PRR12: variants seen among roughly 807,000 people sequenced by gnomAD.
PRR12 encodes the protein proline rich 12.
A neutral mutation model predicts 138.0 loss-of-function variants in PRR12; 12 were observed. The ratio of observed to expected loss-of-function variants is 0.09; its 90% CI spans 0.06 to 0.14. PRR12 has a LOEUF of 0.14. PRR12 is among the 10% of genes least tolerant of loss of function. PRR12 has a pLI of 1.00. For missense variants in PRR12, 2,692 were observed against 2,861.3 expected, an observed-to-expected ratio of 0.94 and a Z score of 1.35; for synonymous variants, 1,567 against 1,291.7, an observed-to-expected ratio of 1.21 and a Z score of -4.57.
chr19:49,614,879 T>C lies in PRR12; in HGVS notation c.4894T>C (p.Leu1632=). 1.9e-6 allele frequency: 3 copies of C among 1,613,862 alleles called. No individual in the cohort carries two copies. The highest frequency in any genetic ancestry group is 2.5e-6 in the Non-Finnish European group (3 of 1,179,832). The change falls in exon 8 of 14, where the codon TTG becomes CTG. Residue 1632 remains leucine (L), a synonymous_variant. Transcript: ENST00000418929. The surrounding 1 kb of genome is among the most constrained non-coding windows in gnomAD (Gnocchi z 5.0). ...QRQFCATSNY[L]GYFGDAKNRY... is the part of the protein sequence containing the mutation. ...ATGTGCCTCTTTCTCCCCATAGTAT[T>C]TGGGGTATTTTGGGGATGCAAAAAA...
chr19:49,595,222 C>T lies in PRR12; in HGVS notation c.887C>T (p.Ala296Val), dbSNP rs2080757875. ...GTCATCAAGCACTACCAGCGGCCAG[C>T]CAGTGCCCAGCCCCCACCACCCCCG... Reference protein sequence around the residue: ...DTVIKHYQRPASAQPPPPPPP... With the variant: ...DTVIKHYQRPVSAQPPPPPPP... Residue 296 changes from alanine to valine, a missense_variant, in exon 4 of 14, where the codon GCC becomes GTC. Physicochemically the swap from Ala to Val is moderately conservative, Grantham distance 64. This residue lies in a region of PRR12 where 523 missense variants were observed against 496.4 expected (regional missense o/e 1.05). Coordinates refer to ENST00000418929, the MANE Select transcript of PRR12 (RefSeq NM_020719.3). The T allele has an allele frequency of 6.4e-7, 1 of 1,561,430 alleles. No individual in the cohort carries two copies. Among genetic ancestry groups the T allele is most frequent in the Non-Finnish European group, 8.7e-7 (1 of 1,155,974 alleles).
chr19:49,614,666 G>C lies in PRR12; in HGVS notation c.4890+17G>C. 1.3e-6 allele frequency: 2 copies of C among 1,551,476 alleles called. No individual in the cohort carries two copies. Among genetic ancestry groups the C allele is most frequent in the South Asian group, 1.2e-5 (1 of 84,136 alleles). On this transcript the variant is annotated intron_variant, in intron 7 of 13. Transcript: ENST00000418929. The surrounding 1 kb of genome is among the most constrained non-coding windows in gnomAD (Gnocchi z 5.0). Reference sequence around the variant, plus strand: ...ACCAGTAATGTAAGCCTGCAAAGGGGACCAAGGACTTGGGGGCCCCGGGGC... The same window carrying C: ...ACCAGTAATGTAAGCCTGCAAAGGGCACCAAGGACTTGGGGGCCCCGGGGC...
intron 2 of PRR12, among the ~76,000 whole-genome samples, chr19:49,593,942 A>G (rs1024768487): frequency 2.0e-5 from 3 of 152,056 alleles, no homozygotes; most frequent in Non-Finnish European, 2.9e-5. Context: ...TGGTAATGAC[A>G]TGATGCTGTC....
chr19:49,594,351 C>A lies in PRR12; in HGVS notation c.200-103C>A, dbSNP rs571135740. ...GAATTTGCCCTTTTCTCTCCCATCC[C>A]CTCCTTTTCCTGATCCAACTTGCTT... On this transcript the variant is annotated intron_variant, in intron 2 of 13. Transcript: ENST00000418929. This position sits in a 1 kb window ranked among gnomAD's most constrained non-coding sequence, Gnocchi z 5.6. 3 of 1,193,626 alleles carry A rather than the reference C, an allele frequency of 2.5e-6. No homozygotes were observed. Among genetic ancestry groups the A allele is most frequent in the Non-Finnish European group, 2.3e-6 (2 of 855,152 alleles). 73.9% of individuals were successfully genotyped at this position (1,193,626 alleles called of 1,614,324 possible). A position where few individuals can be genotyped will look rare whatever the true frequency, so the allele number is the denominator to read the frequency against.
chr19:49,604,504 C>A (rs564052682), intron 6 of PRR12, among the ~76,000 whole-genome samples: 1 of 151,914 alleles, frequency 6.6e-6, no homozygotes, highest in Non-Finnish European at 1.5e-5. Flanking sequence ...ATGATGAAAG[C>A]CCATCTCTAC....
intron 4 of PRR12, among the ~76,000 whole-genome samples, chr19:49,598,590 C>A (rs1049346254): frequency 2.6e-5 from 4 of 152,030 alleles, no homozygotes; most frequent in Non-Finnish European, 4.4e-5. Flanking sequence ...GAGACTGAGG[C>A]GGGAGGATCT....
chr19:49,597,440 C>G lies in PRR12; in HGVS notation c.3105C>G (p.His1035Gln), dbSNP rs2122301443. Reference protein sequence around the residue: ...EPLGLIQSGPHQAAPPPPPPP... With the variant: ...EPLGLIQSGPQQAAPPPPPPP... ...TGGGCCTGATCCAGAGTGGCCCCCA[C>G]CAGGCGGCGCCACCACCCCCGCCTC... Residue 1035 changes from histidine (H) to glutamine (Q), a missense_variant, in exon 4 of 14, where the codon CAC becomes CAG. Physicochemically the swap from His to Gln is conservative, Grantham distance 24. This residue lies in a region of PRR12 where 840 missense variants were observed against 689.8 expected (regional missense o/e 1.22). Coordinates refer to ENST00000418929, the MANE Select transcript of PRR12 (RefSeq NM_020719.3). The surrounding 1 kb of genome is among the most constrained non-coding windows in gnomAD (Gnocchi z 6.3). The G allele has an allele frequency of 6.5e-7, 1 of 1,538,382 alleles. No individual in the cohort carries two copies. Among genetic ancestry groups the G allele is most frequent in the East Asian group, 2.5e-5 (1 of 40,788 alleles).
At chr19:49,619,475 TC>T (rs2080909945) in intron 9 of PRR12, among the ~76,000 whole-genome samples, 1 of 149,644 alleles carries the variant, frequency 6.7e-6, no homozygotes, top group Admixed American at 6.7e-5. Flanking sequence ...CCTCAGGTGA[TC>T]CACTTGCCTT....
intron 6 of PRR12, among the ~76,000 whole-genome samples, chr19:49,606,315 C>CTT (rs112170187): frequency 2.8e-5 from 4 of 141,386 alleles, no homozygotes; most frequent in Admixed American, 7.1e-5. Flanking sequence ...TTTTTTTCTT[C>CTT]TTTTTTTTTT....
rs376630622 is a variant in PRR12, at chr19:49,625,038, G to A, written c.5868+48G>A. ...GGAGTGGGGAGTGCTGGCGGTATGT[G>A]GGAAGGGAGGAGAGGGGCTGCCAAG... On this transcript the variant is annotated intron_variant, in intron 12 of 13. Transcript: ENST00000418929. The surrounding 1 kb of genome is among the most constrained non-coding windows in gnomAD (Gnocchi z 5.5). The A allele has an allele frequency of 2.5e-6, 4 of 1,611,942 alleles. No homozygotes were observed. The African/African-American group carries it at 5.3e-5, about 22-fold the overall frequency.
intron 6 of PRR12, among the ~76,000 whole-genome samples, chr19:49,613,593 G>A (rs2080877403): frequency 6.6e-6 from 1 of 152,180 alleles, no homozygotes; most frequent in Non-Finnish European, 1.5e-5. Context: ...AGCAGAGATA[G>A]GGAGCCTTCC....
rs2080801051 is a variant in PRR12 at position 49,599,984 on chromosome 19, A to G, written c.4345+46A>G. On this transcript the variant is annotated intron_variant, in intron 5 of 13. Coordinates refer to ENST00000418929, the MANE Select transcript of PRR12 (RefSeq NM_020719.3). The surrounding 1 kb of genome is among the most constrained non-coding windows in gnomAD (Gnocchi z 5.0). ...CTGGGAGTAGAGCTTAAAGGTTATTATGATCACTAGGTAACAGTTGTGCAG... is the reference window on the plus strand; with the variant it reads ...CTGGGAGTAGAGCTTAAAGGTTATTGTGATCACTAGGTAACAGTTGTGCAG... The G allele has an allele frequency of 1.3e-6, 2 of 1,506,032 alleles. No homozygotes were observed. Among genetic ancestry groups the G allele is most frequent in the South Asian group, 2.6e-5 (2 of 78,058 alleles). The allele number at this position is 1,506,032 out of a possible 1,614,324, so 93.3% of individuals were successfully genotyped here.
At chr19:49,593,531 GGCCGTGGCCCGT>G (rs913982673) in intron 2 of PRR12, 92 bp downstream of exon 2, 27 of 622,482 alleles carry the variant, frequency 4.3e-5, no homozygotes, top group East Asian at 9.2e-5. Context: ...CCTCCTAATT[GGCCGTGGCCCGT>G]GCCGTGGCCC....
rs2080784982 is a variant in PRR12 at position 49,597,825 on chromosome 19, C to T, written c.3490C>T (p.Arg1164Cys). 2.0e-6 allele frequency: 3 copies of T among 1,527,408 alleles called. No individual in the cohort carries two copies. The highest frequency in any genetic ancestry group is 1.3e-5 in the South Asian group (1 of 79,170). 94.6% of individuals were successfully genotyped at this position (1,527,408 alleles called of 1,614,324 possible). ...TGGCCGCAAGCCCACGAAGGCGAAACGTGATGGGCCACCCCGGCCACGGGG... is the reference window on the plus strand; with the variant it reads ...TGGCCGCAAGCCCACGAAGGCGAAATGTGATGGGCCACCCCGGCCACGGGG... The part of the protein sequence containing the change: ...RRGRKPTKAK[R>C]DGPPRPRGRP... Residue 1164 changes from arginine to cysteine, a missense_variant, in exon 4 of 14, where the codon CGT (arginine) becomes TGT (cysteine). Arg to Cys is a radical substitution (Grantham distance 180). This residue lies in a region of PRR12 where 326 missense variants were observed against 344.2 expected (regional missense o/e 0.95). Transcript: ENST00000418929. This position sits in a 1 kb window ranked among gnomAD's most constrained non-coding sequence, Gnocchi z 6.3.
chr19:49,614,495 G>GCT lies in PRR12; in HGVS notation c.4774-37_4774-36dup. 6.9e-7 allele frequency: 1 copy of GCT among 1,452,824 alleles called. No individual in the cohort carries two copies. The highest frequency in any genetic ancestry group is 9.2e-7 in the Non-Finnish European group (1 of 1,081,764). 90.0% of individuals were successfully genotyped at this position (1,452,824 alleles called of 1,614,324 possible). Reference sequence around the variant, plus strand: ...AGGGGCAGTAGGTCTAGGAATGAGGGCTGACCCTGCTGGCCTCACCACACC... The same window carrying GCT: ...AGGGGCAGTAGGTCTAGGAATGAGGGCTCTGACCCTGCTGGCCTCACCACACC... On this transcript the variant is annotated intron_variant, in intron 6 of 13. Transcript: ENST00000418929. This position sits in a 1 kb window ranked among gnomAD's most constrained non-coding sequence, Gnocchi z 5.0.
Position 49,599,241 on chromosome 19 carries a change from G to A in PRR12, c.3679-31G>A, listed in dbSNP as rs968855113. Reference sequence around the variant, plus strand: ...ATGGGACTGGGGGCCCAGGCTACTGGGCCCTCACGGCCCGCCACTCCCATG... The same window carrying A: ...ATGGGACTGGGGGCCCAGGCTACTGAGCCCTCACGGCCCGCCACTCCCATG... On this transcript the variant is annotated intron_variant, in intron 4 of 13. Transcript: ENST00000418929. This position sits in a 1 kb window ranked among gnomAD's most constrained non-coding sequence, Gnocchi z 5.0. The A allele has an allele frequency of 5.4e-5, 82 of 1,526,454 alleles. No homozygotes were observed. Among genetic ancestry groups the A allele is most frequent in the Non-Finnish European group, 6.6e-5 (75 of 1,140,334 alleles). The allele number at this position is 1,526,454 out of a possible 1,614,324, so 94.6% of individuals were successfully genotyped here.
At position 49,625,686 on chromosome 19, in the gene PRR12, C is replaced by T. The variant is rs953339753; in HGVS notation, c.*79C>T. 18 of 1,485,628 alleles carry T rather than the reference C, an allele frequency of 1.2e-5. No homozygotes were observed. Among genetic ancestry groups the T allele is most frequent in the Non-Finnish European group, 1.5e-5 (17 of 1,116,178 alleles). 92.0% of individuals were successfully genotyped at this position (1,485,628 alleles called of 1,614,324 possible). On this transcript the variant is annotated 3_prime_UTR_variant, in exon 14 of 14. Transcript: ENST00000418929. This position sits in a 1 kb window ranked among gnomAD's most constrained non-coding sequence, Gnocchi z 5.5. ...AGAACCGTGTCCTCAGGAGCTAACACCTGGGCTCCATCGCCGGGGAAAGGG... is the reference window on the plus strand; with the variant it reads ...AGAACCGTGTCCTCAGGAGCTAACATCTGGGCTCCATCGCCGGGGAAAGGG...
At chr19:49,607,971 A>G (rs1386671224) in intron 6 of PRR12, among the ~76,000 whole-genome samples, 1 of 152,210 alleles carries the variant, frequency 6.6e-6, no homozygotes, top group Admixed American at 6.5e-5. Flanking sequence ...GTGAGCCGAA[A>G]TGACGCCATT....
Position 49,622,928 on chromosome 19 carries a change from T to TAGAG in PRR12, c.5721+1332_5721+1335dup, listed in dbSNP as rs1312571676. 1.0e-3 allele frequency among the ~76,000 whole-genome samples: 78 copies of TAGAG among 77,756 alleles called. 1 individual carries two copies. The highest frequency in any genetic ancestry group is 8.5e-3 in the Middle Eastern group (1 of 118). The allele number at this position is 77,756 out of a possible 152,430, so 51.0% of individuals were successfully genotyped here. ...AAAAACATATATATATATATATATA[T>TAGAG]AGAGAGAGAGAGAGAGAGAGAGAGA... On this transcript the variant is annotated intron_variant, in intron 11 of 13. Coordinates refer to ENST00000418929, the MANE Select transcript of PRR12 (RefSeq NM_020719.3).
Sources: allele counts gnomAD v4.1 joint callset (sites outside exome capture counted in the v4.1 genomes callset), GRCh38; gene constraint gnomAD v4.1.1; regional missense constraint gnomAD v4.1.1; non-coding constraint Gnocchi (gnomAD v3.1); transcripts MANE v1.5; gene names NCBI Gene and HGNC (gene_info 2026-07-23, HGNC 2026-07-21).